Variants in LRRC49 observed in about 807,000 individuals in gnomAD.
LRRC49 encodes leucine-rich repeat-containing protein 49.
LRRC49 carries 50 observed loss-of-function variants against 83.3 expected under a neutral mutation model. The ratio of observed to expected loss-of-function variants is 0.60; its 90% CI spans 0.48 to 0.76. The LOEUF (loss-of-function observed/expected upper bound fraction) is 0.76. LRRC49 is among the 30% of genes least tolerant of loss of function. LRRC49 has a pLI of 0.00. For missense variants in LRRC49, 704 were observed against 809.1 expected, an observed-to-expected ratio of 0.87 and a Z score of 1.58; for synonymous variants, 286 against 283.3, an observed-to-expected ratio of 1.01 and a Z score of -0.10.
chr15:71,047,890 C>T (rs2039899221), intron 15 of LRRC49, among the ~76,000 whole-genome samples: 2 of 152,050 alleles, frequency 1.3e-5, no homozygotes, highest in Admixed American at 1.3e-4. Context: ...AATTCTCCTG[C>T]CTCAGCCTCC....
intron 14 of LRRC49, among the ~76,000 whole-genome samples, chr15:71,034,239 T>G (rs2039448966): frequency 6.6e-6 from 1 of 152,116 alleles, no homozygotes. Context: ...GAGCAGACAC[T>G]TCTCAAAAGA....
At chr15:71,006,973 T>C (rs1156838403) in intron 11 of LRRC49, among the ~76,000 whole-genome samples, 1 of 152,072 alleles carries the variant, frequency 6.6e-6, no homozygotes, top group Non-Finnish European at 1.5e-5. Flanking sequence ...CTAAGATTAT[T>C]ATCTAAGACC....
At chr15:70,897,146 C>T (rs2033872337) in intron 3 of LRRC49, among the ~76,000 whole-genome samples, 1 of 152,068 alleles carries the variant, frequency 6.6e-6, no homozygotes, top group Non-Finnish European at 1.5e-5. Flanking sequence ...AGTACTTTCA[C>T]TAAGGTTTTC....
intron 2 of LRRC49, among the ~76,000 whole-genome samples, chr15:70,884,444 C>T (rs560555998): frequency 5.3e-5 from 8 of 151,842 alleles, no homozygotes; most frequent in Admixed American, 2.0e-4. Context: ...TGCTTGAAGC[C>T]GGGAGGCAGA....
chr15:70,915,040 T>C (rs185372081), intron 6 of LRRC49, among the ~76,000 whole-genome samples: 7 of 152,332 alleles, frequency 4.6e-5, no homozygotes, highest in Admixed American at 1.3e-4. Context: ...TCTTTTTTCT[T>C]GCTGTGAAGT....
chr15:70,892,199 T>C (rs1373581309), upstream of LRRC49: 1 of 1,606,484 alleles, frequency 6.2e-7, no homozygotes, highest in African/African-American at 1.3e-5. Context: ...GGCCCGGTCC[T>C]TGGGAAAGCG....
chr15:70,900,347 C>T (rs990463549), intron 3 of LRRC49: 1 of 406,176 alleles, frequency 2.5e-6, no homozygotes, highest in African/African-American at 2.1e-5. Flanking sequence ...ATATTCTCTA[C>T]TAATAGTGGC....
Position 70,892,866 on chromosome 15 carries a change from C to G in LRRC49, c.-29C>G, listed in dbSNP as rs1265279159. ...CTGTAGCGTCACCTGGAAGGCAGAT[C>G]TAACAGAGAACCTGGACTGTCTCCT... On this transcript the variant is annotated 5_prime_UTR_variant, in exon 1 of 16. The change creates a new upstream start codon in the 5' untranslated region. Transcript: ENST00000260382. 1.2e-6 allele frequency: 2 copies of G among 1,614,192 alleles called. No homozygotes were observed. Among genetic ancestry groups the G allele is most frequent in the Middle Eastern group, 1.6e-4 (1 of 6,062 alleles).
At chr15:70,961,714 A>C (rs2036606877) in intron 8 of LRRC49, among the ~76,000 whole-genome samples, 1 of 152,220 alleles carries the variant, frequency 6.6e-6, no homozygotes, top group Non-Finnish European at 1.5e-5. Flanking sequence ...TAGTGACAGT[A>C]GAAAGATTTG....
chr15:70,875,536 G>T (rs1383032065), intron 2 of LRRC49, among the ~76,000 whole-genome samples: 1 of 152,150 alleles, frequency 6.6e-6, no homozygotes, highest in Admixed American at 6.5e-5. Context: ...CTAGTAATTG[G>T]CATAACTAGA....
At chr15:71,046,808 T>C (rs1203328392) in intron 15 of LRRC49, among the ~76,000 whole-genome samples, 2 of 152,222 alleles carry the variant, frequency 1.3e-5, no homozygotes, top group Non-Finnish European at 2.9e-5. Context: ...CCAGAATTTT[T>C]ATAGTTTGAG....
At chr15:70,961,333 G>C (rs188551415) in intron 8 of LRRC49, among the ~76,000 whole-genome samples, 1 of 152,232 alleles carries the variant, frequency 6.6e-6, no homozygotes, top group Non-Finnish European at 1.5e-5. Context: ...AAGATAGTTC[G>C]GCAGTTTCTT....
At chr15:70,881,428 T>C (rs2033261602) in intron 2 of LRRC49, 1 of 152,236 alleles carries the variant, frequency 6.6e-6, no homozygotes, top group Non-Finnish European at 1.5e-5. Context: ...ATTTAAACCT[T>C]CTAGGATAAA....
chr15:71,042,559 C>G (rs1307429590), intron 15 of LRRC49, among the ~76,000 whole-genome samples: 2 of 152,176 alleles, frequency 1.3e-5, no homozygotes, highest in Non-Finnish European at 2.9e-5. Flanking sequence ...CCCAGCATTC[C>G]TTCACTTATA....
rs181412507 is a variant in LRRC49 at position 70,979,707 on chromosome 15, C to T, written c.922-394C>T. Among the ~76,000 whole-genome samples the T allele has an allele frequency of 3.1e-4, 47 of 152,190 alleles. 1 individual carries two copies. The highest frequency in any genetic ancestry group is 1.1e-3 in the African/African-American group (45 of 41,546). On this transcript the variant is annotated intron_variant, in intron 9 of 15. Coordinates refer to ENST00000260382, the MANE Select transcript of LRRC49 (RefSeq NM_017691.5). ...ATCAAAAAGTTCTGATTTTCTATCACAGATCCAGTCAACATTGTTAGATGT... is the reference window on the plus strand; with the variant it reads ...ATCAAAAAGTTCTGATTTTCTATCATAGATCCAGTCAACATTGTTAGATGT...
chr15:70,943,835 G>C (rs1047866689), intron 8 of LRRC49, among the ~76,000 whole-genome samples: 2 of 152,100 alleles, frequency 1.3e-5, no homozygotes, highest in Admixed American at 6.5e-5. Context: ...TTTCCCTGGT[G>C]CCTGCTGCAA....
upstream of LRRC49, chr15:70,892,493 C>T: frequency 1.3e-6 from 2 of 1,527,714 alleles, no homozygotes; most frequent in Non-Finnish European, 1.7e-6. Flanking sequence ...GCGCTGCTCC[C>T]CAGGAGCCAG....
intron 1 of LRRC49, among the ~76,000 whole-genome samples, chr15:70,858,288 TTTTC>T (rs1349599463): frequency 3.9e-5 from 6 of 152,358 alleles, no homozygotes; most frequent in South Asian, 2.1e-4. Flanking sequence ...TAGTTTCTTT[TTTTC>T]TTTTTCTTTT....
intron 11 of LRRC49, among the ~76,000 whole-genome samples, chr15:71,001,561 TCTC>T (rs1039906871): frequency 2.6e-5 from 4 of 152,208 alleles, no homozygotes; most frequent in Admixed American, 2.0e-4. Flanking sequence ...TTTTCTGAAA[TCTC>T]CTGCTGCCAA....
Sources: allele counts gnomAD v4.1 joint callset (sites outside exome capture counted in the v4.1 genomes callset), GRCh38; gene constraint gnomAD v4.1.1; transcripts MANE v1.5; gene names NCBI Gene and HGNC (gene_info 2026-07-23, HGNC 2026-07-21).